Variants in UPF2 observed in about 807,000 individuals in gnomAD.
UPF2 encodes regulator of nonsense transcripts 2.
In UPF2, 17 loss-of-function variants were observed where a neutral mutation model predicts 141.4. The observed-to-expected ratio is 0.12, with a 90% CI of 0.08 to 0.18. The LOEUF (loss-of-function observed/expected upper bound fraction) is 0.18. Among genes scored for constraint, UPF2 ranks in the 10% least tolerant of loss-of-function variants. The pLI is 1.00. For synonymous variants in UPF2, 540 were observed against 498.0 expected (o/e 1.08, Z -1.12); for missense variants, 1,152 against 1,515.9 (o/e 0.76, Z 3.99).
rs1833838111 is a variant in UPF2 at position 11,994,817 on chromosome 10, A to G, written c.1844+2855T>C. ...CAATAAAACCCCATCTCTACTAAAA[A>G]TACAAAAAATTAGCCGGGCGTGGTG... On this transcript the variant is annotated intron_variant, in intron 8 of 21. Transcript: ENST00000357604. Among the ~76,000 whole-genome samples, 3 of 151,918 alleles carry G rather than the reference A, an allele frequency of 2.0e-5. 1 individual carries two copies. The South Asian group carries it at 6.2e-4, about 32-fold the overall frequency.
chr10:12,004,173 G>C (rs11257474), intron 5 of UPF2, among the ~76,000 whole-genome samples: 7,947 of 152,166 alleles, frequency 0.052, 283 homozygotes, highest in Non-Finnish European at 0.08. Context: ...ATCTAGCCTA[G>C]AAAGGGCAGT....
At chr10:11,950,173 C>T (rs1392086720) in intron 15 of UPF2, among the ~76,000 whole-genome samples, 2 of 152,016 alleles carry the variant, frequency 1.3e-5, no homozygotes, top group East Asian at 3.8e-4. Context: ...GTCATGAACA[C>T]ATTACTTTTA....
At chr10:11,924,624 G>T (rs914560177) in intron 21 of UPF2, among the ~76,000 whole-genome samples, 1 of 151,796 alleles carries the variant, frequency 6.6e-6, no homozygotes, top group African/African-American at 2.4e-5. Flanking sequence ...TTGAGACAGG[G>T]TCTGGCTCTG....
rs1298372666 is a variant in UPF2 at position 11,920,155 on chromosome 10, G to T, written c.*1143C>A. 2.0e-5 allele frequency: 3 copies of T among 152,102 alleles called. No homozygotes were observed. In the East Asian group the frequency reaches 5.8e-4, roughly 29 times the overall value. 9.4% of individuals were successfully genotyped at this position (152,102 alleles called of 1,614,324 possible). ...TTATTTAAATCTACATGCAGAAACT[G>T]AAACATGGTAAAAGAAAAAATGCAA... On this transcript the variant is annotated 3_prime_UTR_variant, in exon 22 of 22. Transcript: ENST00000357604.
chr10:12,024,073 C>G (rs910264339), intron 3 of UPF2, among the ~76,000 whole-genome samples: 3 of 152,132 alleles, frequency 2.0e-5, no homozygotes, highest in African/African-American at 7.2e-5. Context: ...TATCAGCTAG[C>G]TTAGTTTTCT....
intron 3 of UPF2, among the ~76,000 whole-genome samples, chr10:12,026,106 A>G (rs927059131): frequency 6.6e-6 from 1 of 152,148 alleles, no homozygotes; most frequent in African/African-American, 2.4e-5. Context: ...TACTATTAAT[A>G]ATACACATGT....
chr10:11,962,970 AT>A (rs971056583), intron 11 of UPF2, among the ~76,000 whole-genome samples: 34 of 151,464 alleles, frequency 2.2e-4, no homozygotes, highest in East Asian at 5.8e-4. Context: ...ATCATAATGT[AT>A]TTTTTTTTAA....
intron 12 of UPF2, among the ~76,000 whole-genome samples, chr10:11,957,089 G>C (rs1466631332): frequency 6.6e-6 from 1 of 152,106 alleles, no homozygotes; most frequent in Non-Finnish European, 1.5e-5. Context: ...CAAAGTGCTG[G>C]GATTACAGGC....
At chr10:11,988,389 C>T (rs568079138) in intron 8 of UPF2, among the ~76,000 whole-genome samples, 14 of 152,310 alleles carry the variant, frequency 9.2e-5, no homozygotes, top group Admixed American at 4.6e-4. Flanking sequence ...CCAGAGTGCA[C>T]GAACTTCAAA....
chr10:11,964,241 G>A (rs1371132573), intron 10 of UPF2, 116 bp from the exon 11 acceptor site: 2 of 602,366 alleles, frequency 3.3e-6, no homozygotes, highest in African/African-American at 3.8e-5. Context: ...ACAGAAGTGA[G>A]TCTACTTGGG....
intron 9 of UPF2, among the ~76,000 whole-genome samples, chr10:11,976,415 G>C (rs1239538547): frequency 6.6e-6 from 1 of 152,146 alleles, no homozygotes; most frequent in Non-Finnish European, 1.5e-5. Flanking sequence ...GTAAACAATG[G>C]CTCCTAAATG....
chr10:11,965,650 G>A (rs193136153), intron 10 of UPF2, among the ~76,000 whole-genome samples: 43 of 152,156 alleles, frequency 2.8e-4, no homozygotes, highest in Middle Eastern at 6.8e-3. Flanking sequence ...TAGTAGAAAC[G>A]GCGTTTCACC....
At chr10:11,955,566 G>A in intron 13 of UPF2, 59 bp from the exon 14 acceptor site, 1 of 1,486,474 alleles carries the variant, frequency 6.7e-7, no homozygotes, top group Non-Finnish European at 9.0e-7. Flanking sequence ...ATGAAAACAG[G>A]TTAAACTTGT....
rs376060830 is a variant in UPF2, at chr10:12,001,837, C to A, written c.1505-12G>T. ...AGATTCTTTTGCCTCTGTTGAAAAA[C>A]AAACAAGTATACCTAAATTCAAAGT... On this transcript the variant is annotated splice_polypyrimidine_tract_variant and intron_variant, in intron 5 of 21. Coordinates refer to ENST00000357604, the MANE Select transcript of UPF2 (RefSeq NM_015542.4). 429 of 1,576,880 alleles carry A rather than the reference C, an allele frequency of 2.7e-4. No homozygotes were observed. The highest frequency in any genetic ancestry group is 3.5e-4 in the Non-Finnish European group (413 of 1,164,486).
intron 11 of UPF2, among the ~76,000 whole-genome samples, chr10:11,963,186 C>G (rs1362421434): frequency 6.6e-6 from 1 of 152,192 alleles, no homozygotes; most frequent in Non-Finnish European, 1.5e-5. Context: ...CCCACAGTAT[C>G]CTCTGCAGCC....
chr10:11,981,327 C>T (rs1833589834), intron 8 of UPF2, among the ~76,000 whole-genome samples: 1 of 152,150 alleles, frequency 6.6e-6, no homozygotes, highest in Non-Finnish European at 1.5e-5. Flanking sequence ...GGGCCCTGTC[C>T]TAGGCCTCTT....
chr10:12,025,044 T>A (rs1380873243), intron 3 of UPF2, among the ~76,000 whole-genome samples: 7 of 150,382 alleles, frequency 4.7e-5, no homozygotes, highest in Non-Finnish European at 3.0e-5. Context: ...TAGGAAACTA[T>A]CATTAGGCCA....
chr10:12,042,814 T>G (rs547526548), upstream of UPF2: 1 of 150,378 alleles, frequency 6.6e-6, no homozygotes, highest in African/African-American at 2.5e-5. This position sits in a 1 kb window ranked among gnomAD's most constrained non-coding sequence, Gnocchi z 5.5. Flanking sequence ...GCGCTCGGGC[T>G]CTCCCCTCCC....
chr10:12,035,250 C>T lies in UPF2; in HGVS notation c.174G>A (p.Lys58=), dbSNP rs1834603466. 6.2e-7 allele frequency: 1 copy of T among 1,613,684 alleles called. No individual in the cohort carries two copies. Among genetic ancestry groups the T allele is most frequent in the Non-Finnish European group, 8.5e-7 (1 of 1,179,968 alleles). Residue 58 remains lysine (K), a synonymous_variant, in exon 2 of 22, where the codon AAG becomes AAA. Transcript: ENST00000357604. ...TTTTTCTCTTATCATCTTCCAGTCT[C>T]TTCTTCTTGTCTTCAGGGGCCTTGC... The part of the protein sequence containing the change: ...EVSKAPEDKK[K]RLEDDKRKKE...
Sources: allele counts gnomAD v4.1 joint callset (sites outside exome capture counted in the v4.1 genomes callset), GRCh38; gene constraint gnomAD v4.1.1; non-coding constraint Gnocchi (gnomAD v3.1); transcripts MANE v1.5; gene names NCBI Gene and HGNC (gene_info 2026-07-23, HGNC 2026-07-21).